Variants in BPIFC observed in about 807,000 individuals in gnomAD.
The protein encoded by BPIFC is BPI fold-containing family C protein.
In BPIFC, 60 loss-of-function variants were observed where a neutral mutation model predicts 57.6. That is an observed-to-expected ratio of 1.04 (90% CI 0.85 to 1.29). The LOEUF is 1.29. Ranked by LOEUF, BPIFC falls within the 50% of genes most tolerant of loss-of-function variation. The pLI, the probability that BPIFC is intolerant of heterozygous loss-of-function variation, is 0.00. For missense variants in BPIFC, 581 were observed against 600.5 expected (o/e 0.97, Z 0.34); for synonymous variants, 243 against 224.5 (o/e 1.08, Z -0.74).
intron 14 of BPIFC, among the ~76,000 whole-genome samples, chr22:32,418,578 C>A (rs5994565): frequency 5.9e-5 from 9 of 152,136 alleles, no homozygotes; most frequent in Admixed American, 5.9e-4. Context: ...AGTTGAGAAC[C>A]ACTGCTTTAG....
intron 13 of BPIFC, among the ~76,000 whole-genome samples, chr22:32,430,049 G>T (rs998707491): frequency 2.0e-5 from 3 of 152,214 alleles, no homozygotes; most frequent in African/African-American, 7.2e-5. Flanking sequence ...AATGGGCTTT[G>T]CAGACGGTTC....
At position 32,431,411 on chromosome 22, in the gene BPIFC, C is replaced by G; in HGVS notation, c.1153G>C (p.Ala385Pro). Residue 385 changes from alanine (A) to proline (P), a missense_variant, in exon 13 of 17, where the codon GCT becomes CCT. Ala to Pro is a conservative substitution (Grantham distance 27). Transcript: ENST00000300399. ...ATAACCAGGCCAACACTGGTACTAG[C>G]AACCTATAGACAATAAAAGCATTTA... ...VETIVSMDFV[A>P]STSVGLVILG... is the part of the protein sequence containing the mutation. 1 of 1,606,110 alleles carries G rather than the reference C, an allele frequency of 6.2e-7. No homozygotes were observed. Among genetic ancestry groups the G allele is most frequent in the South Asian group, 1.1e-5 (1 of 90,956 alleles).
intron 5 of BPIFC, among the ~76,000 whole-genome samples, 164 bp downstream of exon 5, chr22:32,447,048 G>A (rs927830413): frequency 6.6e-6 from 1 of 152,162 alleles, no homozygotes; most frequent in East Asian, 1.9e-4. Context: ...CCCCCCAGTA[G>A]GATTTCCTAA....
At chr22:32,426,202 G>A (rs1934064012) in intron 13 of BPIFC, among the ~76,000 whole-genome samples, 1 of 152,170 alleles carries the variant, frequency 6.6e-6, no homozygotes, top group Non-Finnish European at 1.5e-5. Context: ...TGGAGCCCCC[G>A]TGTTCCCTGG....
At chr22:32,431,548 A>T (rs938785704) in intron 12 of BPIFC, 134 bp from the exon 13 acceptor site, 26 of 623,748 alleles carry the variant, frequency 4.2e-5, no homozygotes, top group Middle Eastern at 3.0e-4. Flanking sequence ...TCTAAAAGAC[A>T]TTGGAAATAC....
intron 4 of BPIFC, 65 bp from the exon 5 acceptor site, chr22:32,447,405 T>G: frequency 6.4e-7 from 1 of 1,559,398 alleles, no homozygotes; most frequent in African/African-American, 1.4e-5. Context: ...CAAGCAAACT[T>G]GGGAACACAG....
At position 32,424,684 on chromosome 22, in the gene BPIFC, T is replaced by TTCCTCC. The variant is rs1569448076; in HGVS notation, c.1218-5281_1218-5280insGGAGGA. Among the ~76,000 whole-genome samples, 4 of 91,786 alleles carry TTCCTCC rather than the reference T, an allele frequency of 4.4e-5. 1 individual carries two copies. The highest frequency in any genetic ancestry group is 2.3e-4 in the Admixed American group (2 of 8,806). 60.2% of individuals were successfully genotyped at this position (91,786 alleles called of 152,430 possible). ...CTTCTTCTTCTTCTTCTTCTTCTTC[T>TTCCTCC]TCTTCTTCCTCTTCTTCTTCCTCTT... On this transcript the variant is annotated intron_variant, in intron 13 of 16. Transcript: ENST00000300399.
At chr22:32,433,474 T>G (rs908709906) in intron 11 of BPIFC, among the ~76,000 whole-genome samples, 1 of 152,356 alleles carries the variant, frequency 6.6e-6, no homozygotes, top group East Asian at 1.9e-4. Context: ...TCAAGTATGA[T>G]GGAATATTGT....
rs569030058 is a variant in BPIFC at position 32,458,269 on chromosome 22, TC to T, written c.1-884del. ...GGCTAACTTGATCTTTCTTTAATGA[TC>T]TAAGTAGCCTGTACACCAGGATCTT... On this transcript the variant is annotated intron_variant, in intron 2 of 16. Coordinates refer to ENST00000300399, the MANE Select transcript of BPIFC (RefSeq NM_174932.3). Among the ~76,000 whole-genome samples, 432 of 152,320 alleles carry T rather than the reference TC, an allele frequency of 2.8e-3. 4 individuals are homozygous for T. Among genetic ancestry groups the T allele is most frequent in the African/African-American group, 0.01 (428 of 41,564 alleles).
intron 4 of BPIFC, among the ~76,000 whole-genome samples, chr22:32,452,357 C>T (rs1199637402): frequency 1.3e-5 from 2 of 150,104 alleles, no homozygotes; most frequent in Non-Finnish European, 3.0e-5. Context: ...TGGTTTTGGG[C>T]TGGGCGTGGT....
chr22:32,440,303 TAA>T (rs60994618), intron 8 of BPIFC, among the ~76,000 whole-genome samples: 1 of 151,658 alleles, frequency 6.6e-6, no homozygotes, highest in South Asian at 2.1e-4. Flanking sequence ...CCTGGCTAAT[TAA>T]AAAAAAATTT....
intron 3 of BPIFC, among the ~76,000 whole-genome samples, chr22:32,456,094 G>C (rs1935030695): frequency 6.6e-6 from 1 of 152,226 alleles, no homozygotes; most frequent in Non-Finnish European, 1.5e-5. Flanking sequence ...ATAGACTTCA[G>C]ATCTGTTCTT....
rs540429971 is a variant in BPIFC at position 32,445,883 on chromosome 22, G to A, written c.488C>T (p.Ala163Val). 5.6e-6 allele frequency: 9 copies of A among 1,614,132 alleles called. 1 individual carries two copies. The South Asian group carries it at 9.9e-5, about 18-fold the overall frequency. The change falls in exon 6 of 17, where the codon GCC becomes GTC. Residue 163 changes from alanine (A) to valine (V), a missense_variant. By Grantham distance (64) the Ala-to-Val change is moderately conservative (BLOSUM62 0). Coordinates refer to ENST00000300399, the MANE Select transcript of BPIFC (RefSeq NM_174932.3). ...TGAGACGTGGGCATGGCTCAGTTGGGCGTAGCAATCTTGGAGCTTCAGGGT... is the reference window on the plus strand; with the variant it reads ...TGAGACGTGGGCATGGCTCAGTTGGACGTAGCAATCTTGGAGCTTCAGGGT... ...HPTLKLQDCY[A>V]QLSHAHVSFS... is the part of the protein sequence containing the mutation.
intron 14 of BPIFC, among the ~76,000 whole-genome samples, chr22:32,418,034 G>A (rs1322998526): frequency 2.0e-5 from 3 of 152,040 alleles, no homozygotes; most frequent in South Asian, 2.1e-4. Context: ...GCCTCTTGAC[G>A]TAAAAATGAC....
At chr22:32,450,335 T>C (rs996727774) in intron 4 of BPIFC, among the ~76,000 whole-genome samples, 2 of 152,196 alleles carry the variant, frequency 1.3e-5, no homozygotes, top group Non-Finnish European at 2.9e-5. Context: ...AGCCTAGGTA[T>C]GTAGTTAGCT....
chr22:32,462,168 C>CAAACAAA (rs1935174617), intron 1 of BPIFC, among the ~76,000 whole-genome samples: 1 of 53,600 alleles, frequency 1.9e-5, no homozygotes. Context: ...GACTCCATCT[C>CAAACAAA]AAAAAAAAAA....
intron 4 of BPIFC, among the ~76,000 whole-genome samples, chr22:32,450,448 A>G (rs1187732644): frequency 1.3e-5 from 2 of 152,208 alleles, no homozygotes; most frequent in Non-Finnish European, 2.9e-5. Context: ...TAAGCAATGC[A>G]TGACAGTAAT....
chr22:32,428,581 C>T (rs1299334425), intron 13 of BPIFC, among the ~76,000 whole-genome samples: 1 of 151,538 alleles, frequency 6.6e-6, no homozygotes, highest in African/African-American at 2.4e-5. Flanking sequence ...AACCATACTA[C>T]TTTAAACAAA....
intron 8 of BPIFC, among the ~76,000 whole-genome samples, chr22:32,440,477 G>A (rs1205661897): frequency 1.3e-5 from 2 of 152,124 alleles, no homozygotes; most frequent in African/African-American, 2.4e-5. Flanking sequence ...TGTGCCTGAC[G>A]CTGGGGGCAC....
Sources: allele counts gnomAD v4.1 joint callset (sites outside exome capture counted in the v4.1 genomes callset), GRCh38; gene constraint gnomAD v4.1.1; transcripts MANE v1.5; gene names NCBI Gene and HGNC (gene_info 2026-07-23, HGNC 2026-07-21).